The following MRTFB variants were observed in gnomAD, a reference collection of about 807,000 sequenced individuals.
The protein encoded by MRTFB is myocardin related transcription factor B.
MRTFB carries 29 observed loss-of-function variants against 104.2 expected under a neutral mutation model. The ratio of observed to expected loss-of-function variants is 0.28; its 90% confidence interval spans 0.21 to 0.38. The LOEUF is 0.38. Among genes scored for constraint, MRTFB ranks in the 10% least tolerant of loss-of-function variants. MRTFB has a pLI of 1.00. For missense variants in MRTFB, 1,270 were observed against 1,341.6 expected (o/e 0.95, Z 0.83); for synonymous variants, 535 against 519.5 (o/e 1.03, Z -0.41).
At position 14,245,584 on chromosome 16, in the gene MRTFB, C is replaced by G. The variant is rs751479416; in HGVS notation, c.1136C>G (p.Pro379Arg). The change falls in exon 11 of 17, where the codon CCT becomes CGT. Residue 379 changes from proline (P) to arginine (R), a missense_variant. By Grantham distance (103) the Pro-to-Arg change is moderately radical. Transcript: ENST00000571589. ...SGNSALNNAT[P>R]NTPRQNTSTP... ...AATTCAGCTTTGAACAATGCCACAC[C>G]TAACACACCAAGACAGAATACATCT... 6.2e-7 allele frequency: 1 copy of G among 1,614,024 alleles called. No individual in the cohort carries two copies. The highest frequency in any genetic ancestry group is 1.1e-5 in the South Asian group (1 of 91,056).
chr16:14,130,306 G>A (rs973821455), intron 2 of MRTFB, among the ~76,000 whole-genome samples: 24 of 151,992 alleles, frequency 1.6e-4, no homozygotes, highest in African/African-American at 4.8e-4. Context: ...TCTCTTATTT[G>A]TTTTATGCCT....
intron 2 of MRTFB, among the ~76,000 whole-genome samples, chr16:14,085,787 T>G (rs768894251): frequency 6.6e-6 from 1 of 152,248 alleles, no homozygotes; most frequent in East Asian, 1.9e-4. Flanking sequence ...TCTGTGATTT[T>G]TATACGTACC....
intron 3 of MRTFB, chr16:14,200,493 G>T: frequency 6.2e-7 from 1 of 1,610,686 alleles, no homozygotes; most frequent in South Asian, 1.1e-5. Context: ...TTTCGAGTCA[G>T]TGCAATCATC....
chr16:14,173,523 T>C (rs1365309885), intron 3 of MRTFB, among the ~76,000 whole-genome samples: 1 of 152,246 alleles, frequency 6.6e-6, no homozygotes, highest in African/African-American at 2.4e-5. Flanking sequence ...GCTATTGAAT[T>C]CTGTATGTGT....
chr16:14,143,770 G>C (rs571685274), intron 3 of MRTFB: 14 of 151,634 alleles, frequency 9.2e-5, no homozygotes, highest in African/African-American at 3.4e-4. Flanking sequence ...ATACTTGTTT[G>C]ATTTGTCATT....
chr16:14,174,979 C>T (rs1244823558), intron 3 of MRTFB, among the ~76,000 whole-genome samples: 1 of 152,030 alleles, frequency 6.6e-6, no homozygotes, highest in Non-Finnish European at 1.5e-5. Flanking sequence ...TTCTGCTGCT[C>T]AATCATTTTC....
In MRTFB at chr16:14,184,072, T is replaced by TA. The variant is rs71757134; in HGVS notation, c.155-26149dup. Among the ~76,000 whole-genome samples, 1,103 of 121,770 alleles carry TA rather than the reference T, an allele frequency of 9.1e-3. 11 individuals are homozygous for TA. Among genetic ancestry groups the TA allele is most frequent in the Middle Eastern group, 0.012 (3 of 246 alleles). The allele number at this position is 121,770 out of a possible 152,430, so 79.9% of individuals were successfully genotyped here. A position where few individuals can be genotyped will look rare whatever the true frequency, so the allele number is the denominator to read the frequency against. On this transcript the variant is annotated intron_variant, in intron 3 of 16. Transcript: ENST00000571589. The stretch of plus-strand genomic sequence containing the variant: ...GATTTAAAAGCAACATCCTGAAATT[T>TA]AAAAAAAAAAAAAAAAAAAAAAGTT...
the MRTFB span, among the ~76,000 whole-genome samples, chr16:14,058,426 TTCCTCATGAGCCGGGCAATGTACCC>T: frequency 4.8e-4 from 61 of 128,196 alleles, no homozygotes; most frequent in Non-Finnish European, 1.0e-3. Flanking sequence ...AGTCCAATTC[TTCCTCATGAGCCGGGCAATGTACCC>T]AAGTTTGTTG....
intron 3 of MRTFB, among the ~76,000 whole-genome samples, chr16:14,175,471 T>C (rs961960094): frequency 2.6e-5 from 4 of 152,246 alleles, no homozygotes; most frequent in Admixed American, 6.5e-5. Flanking sequence ...CATTCTCCTA[T>C]ATGCATTTAC....
rs2043755615 is a variant in MRTFB, at chr16:14,261,036, A to G, written c.2892A>G (p.Pro964=). Residue 964 remains proline, a synonymous_variant, in exon 17 of 17, where the codon CCA becomes CCG. Transcript: ENST00000571589. ...SRPPPQVQMA[P]PVSLEPMGSL... is the part of the protein sequence containing the mutation. ...CACCACCCCAAGTCCAAATGGCACC[A>G]CCTGTATCTTTAGAACCTATGGGCA... is the stretch of plus-strand genomic sequence containing the variant. 1 of 1,614,176 alleles carries G rather than the reference A, an allele frequency of 6.2e-7. No homozygotes were observed. Among genetic ancestry groups the G allele is most frequent in the Non-Finnish European group, 8.5e-7 (1 of 1,180,030 alleles).
chr16:14,086,124 C>T (rs934404934), intron 2 of MRTFB, among the ~76,000 whole-genome samples: 18 of 152,200 alleles, frequency 1.2e-4, no homozygotes, highest in Middle Eastern at 6.8e-3. Flanking sequence ...AGTGTGGCTC[C>T]GCATTTCATT....
the MRTFB span, among the ~76,000 whole-genome samples, chr16:14,035,099 C>T: frequency 1.5e-4 from 23 of 152,212 alleles, no homozygotes; most frequent in African/African-American, 4.1e-4. Context: ...CTCCATGTTG[C>T]GTGCCTGCAA....
At chr16:14,224,122 A>G (rs752627484) in intron 8 of MRTFB, among the ~76,000 whole-genome samples, 1 of 152,196 alleles carries the variant, frequency 6.6e-6, no homozygotes, top group African/African-American at 2.4e-5. Context: ...AATGCTACAC[A>G]CTTTCAAACA....
intron 10 of MRTFB, 58 bp from the exon 11 acceptor site, chr16:14,245,470 C>A: frequency 1.4e-6 from 2 of 1,451,394 alleles, no homozygotes; most frequent in South Asian, 1.3e-5. Flanking sequence ...TTAATAGAAG[C>A]AATGTCAAAT....
At chr16:14,140,495 T>A in intron 2 of MRTFB, 49 bp from the exon 3 acceptor site, 23 of 1,355,398 alleles carry the variant, frequency 1.7e-5, no homozygotes, top group Non-Finnish European at 2.3e-5. Context: ...TTGTGCAAAT[T>A]GGAGAAACAT....
chr16:14,215,554 C>T (rs568622634), intron 6 of MRTFB, among the ~76,000 whole-genome samples: 26 of 152,270 alleles, frequency 1.7e-4, no homozygotes, highest in African/African-American at 6.0e-4. Flanking sequence ...GCTATCACTT[C>T]GGTGATGGTA....
chr16:14,150,385 T>C (rs2038553782), intron 3 of MRTFB, among the ~76,000 whole-genome samples: 1 of 152,186 alleles, frequency 6.6e-6, no homozygotes, highest in South Asian at 2.1e-4. Flanking sequence ...CCCCGTGCAG[T>C]AAAAAATCCA....
chr16:14,138,145 C>T (rs908017787), intron 2 of MRTFB, among the ~76,000 whole-genome samples: 1 of 151,974 alleles, frequency 6.6e-6, no homozygotes, highest in Non-Finnish European at 1.5e-5. Flanking sequence ...GATATTTACC[C>T]CTCTTTCATC....
intron 2 of MRTFB, among the ~76,000 whole-genome samples, chr16:14,096,574 C>T (rs996319420): frequency 4.6e-5 from 7 of 152,146 alleles, no homozygotes; most frequent in Non-Finnish European, 1.0e-4. Flanking sequence ...TGGATGCCCT[C>T]GAGTAGCTGT....
Sources: gnomAD v4.1 joint callset for allele counts (sites outside exome capture counted in the v4.1 genomes callset) on GRCh38, gnomAD v4.1.1 for gene constraint, MANE v1.5 for transcripts, NCBI Gene and HGNC (gene_info 2026-07-23, HGNC 2026-07-21) for gene names.